NOC4L: variants seen among roughly 807,000 people sequenced by gnomAD.
NOC4L encodes nucleolar complex associated 4 homolog.
Under a neutral mutation model 62.8 loss-of-function variants are expected in NOC4L, and 40 were observed. The ratio of observed to expected loss-of-function variants is 0.64; its 90% CI spans 0.49 to 0.83. The LOEUF (loss-of-function observed/expected upper bound fraction) is 0.83. NOC4L is among the 40% of genes least tolerant of loss of function. NOC4L has a pLI of 0.00. For synonymous variants in NOC4L, 433 were observed against 299.8 expected (o/e 1.44, Z -4.59); for missense variants, 927 against 701.9 (o/e 1.32, Z -3.62).
chr12:132,144,630 C>T (rs757692953), intron 1 of NOC4L, 25 bp downstream of exon 1: 2 of 1,479,008 alleles, frequency 1.4e-6, no homozygotes, highest in Non-Finnish European at 8.9e-7. Context: ...GTCGCAGGGC[C>T]GGAGTCGCGG....
chr12:132,148,995 C>T (rs1461705964), intron 9 of NOC4L, 100 bp downstream of exon 9: 15 of 164,874 alleles, frequency 9.1e-5, no homozygotes, highest in African/African-American at 2.8e-4. Flanking sequence ...TGAGTGCCGC[C>T]GCCTCACTCC....
Position 132,144,610 on chromosome 12 carries a change from G to C in NOC4L, c.117+5G>C, listed in dbSNP as rs1379671246. 6.7e-7 allele frequency: 1 copy of C among 1,503,640 alleles called. No homozygotes were observed. Among genetic ancestry groups the C allele is most frequent in the East Asian group, 2.5e-5 (1 of 39,748 alleles). The allele number at this position is 1,503,640 out of a possible 1,614,324, so 93.1% of individuals were successfully genotyped here. A position where few individuals can be genotyped will look rare whatever the true frequency, so the allele number is the denominator to read the frequency against. ...GACATCCTGGCCGTGCTGCAGGTGG[G>C]CCTGGCGGCGTCGCAGGGCCGGAGT... On this transcript the variant is annotated splice_donor_5th_base_variant and intron_variant, in intron 1 of 14. Coordinates refer to ENST00000330579, the MANE Select transcript of NOC4L (RefSeq NM_024078.3).
At chr12:132,148,700 G>T in intron 8 of NOC4L, 41 bp downstream of exon 8, 1 of 1,530,092 alleles carries the variant, frequency 6.5e-7, no homozygotes, top group Non-Finnish European at 8.8e-7. Context: ...CGGCATCCGG[G>T]TCTCCCCCAG....
At position 132,150,975 on chromosome 12, in the gene NOC4L, CT is replaced by C. The variant is rs777259081; in HGVS notation, c.902-5del. On this transcript the variant is annotated splice_region_variant and splice_polypyrimidine_tract_variant and intron_variant, in intron 9 of 14. Coordinates refer to ENST00000330579, the MANE Select transcript of NOC4L (RefSeq NM_024078.3). ...GCAGCTCCAGCCTGTGTCTGTCTGT[CT>C]GCAGGGGGGGCCCTCAGCCTCTTGG... 14 of 1,603,686 alleles carry C rather than the reference CT, an allele frequency of 8.7e-6. No homozygotes were observed. The Admixed American group carries it at 1.3e-4, about 15-fold the overall frequency.
chr12:132,151,074 CA>C lies in NOC4L; in HGVS notation c.962+34del, dbSNP rs750469500. 1.9e-6 allele frequency: 3 copies of C among 1,581,012 alleles called. No individual in the cohort carries two copies. The East Asian group carries it at 6.7e-5, about 35-fold the overall frequency. ...TCACCAGGGGTGCAGGTCTTCTTCC[CA>C]GTCTGCCCAGCCCTGCTCCTCTGTC... On this transcript the variant is annotated intron_variant, in intron 10 of 14. Transcript: ENST00000330579.
intron 3 of NOC4L, among the ~76,000 whole-genome samples, chr12:132,146,702 G>A (rs1897740781): frequency 1.3e-5 from 2 of 152,190 alleles, no homozygotes; most frequent in Non-Finnish European, 2.9e-5. Flanking sequence ...CACCTTCTCA[G>A]AAAGAAATAA....
chr12:132,152,254 G>A (rs1873031882), intron 14 of NOC4L, 28 bp from the exon 15 acceptor site: 1 of 1,590,064 alleles, frequency 6.3e-7, no homozygotes, highest in African/African-American at 1.3e-5. Flanking sequence ...AGCCAAGCCT[G>A]AGAGCCGCCG....
chr12:132,151,085 G>T, intron 10 of NOC4L, 44 bp downstream of exon 10: 1 of 1,560,490 alleles, frequency 6.4e-7, no homozygotes, highest in Non-Finnish European at 8.8e-7. Flanking sequence ...AGTCTGCCCA[G>T]CCCTGCTCCT....
At chr12:132,148,156 G>A in intron 7 of NOC4L, 50 bp downstream of exon 7, 1 of 1,599,780 alleles carries the variant, frequency 6.3e-7, no homozygotes, top group South Asian at 1.1e-5. Flanking sequence ...GGGGGTGTGT[G>A]TGGGGTGCAT....
chr12:132,151,520 G>T lies in NOC4L; in HGVS notation c.1110G>T (p.Lys370Asn). Reference protein sequence around the residue: ...LPAYLVAAFAKRLARLALTAP... With the variant: ...LPAYLVAAFANRLARLALTAP... The stretch of plus-strand genomic sequence containing the variant: ...CCTACCTGGTGGCCGCCTTCGCCAA[G>T]CGGCTGGCCCGCCTGGCCCTGACGG... Residue 370 changes from lysine (K) to asparagine (N), a missense_variant, in exon 12 of 15, where the codon AAG becomes AAT. Lys to Asn is a moderately conservative substitution (Grantham distance 94, BLOSUM62 0). Transcript: ENST00000330579. 3 of 1,606,864 alleles carry T rather than the reference G, an allele frequency of 1.9e-6. No homozygotes were observed. The highest frequency in any genetic ancestry group is 2.5e-6 in the Non-Finnish European group (3 of 1,179,138).
intron 11 of NOC4L, 38 bp downstream of exon 11, chr12:132,151,406 C>T (rs547513742): frequency 9.4e-6 from 15 of 1,602,948 alleles, no homozygotes; most frequent in Admixed American, 3.3e-5. Context: ...CTGCTCTGTG[C>T]GGCTGCAGCC....
At position 132,151,053 on chromosome 12, in the gene NOC4L, CA is replaced by C. The variant is rs1565961404; in HGVS notation, c.962+13del. On this transcript the variant is annotated intron_variant, in intron 10 of 14. Transcript: ENST00000330579. ...CACAAACACAACCTGTGAGTGTCAC[CA>C]GGGGTGCAGGTCTTCTTCCCAGTCT... 1.9e-6 allele frequency: 3 copies of C among 1,606,420 alleles called. No homozygotes were observed. Among genetic ancestry groups the C allele is most frequent in the African/African-American group, 2.7e-5 (2 of 74,956 alleles).
chr12:132,145,439 C>T, intron 2 of NOC4L, 120 bp from the exon 3 acceptor site: 2 of 647,290 alleles, frequency 3.1e-6, no homozygotes, highest in Admixed American at 2.9e-5. Flanking sequence ...CGACCTGTTT[C>T]CACCTGCGGA....
chr12:132,147,212 C>T (rs966823096), intron 3 of NOC4L, 69 bp from the exon 4 acceptor site: 2 of 1,220,076 alleles, frequency 1.6e-6, no homozygotes, highest in Non-Finnish European at 2.2e-6. Context: ...GGCTCCCTGA[C>T]TGGGCTGAGC....
chr12:132,150,959 G>A (rs1435640518), intron 9 of NOC4L, 22 bp from the exon 10 acceptor site: 2 of 1,590,214 alleles, frequency 1.3e-6, no homozygotes, highest in East Asian at 2.2e-5. Context: ...TGCAGCTCCA[G>A]CCTGTGTCTG....
rs376896701 is a variant in NOC4L, at chr12:132,147,169, G to A, written c.346-112G>A. On this transcript the variant is annotated intron_variant, in intron 3 of 14. Coordinates refer to ENST00000330579, the MANE Select transcript of NOC4L (RefSeq NM_024078.3). ...GTGTGGAGCAAGAGAAGGCCCGGCC[G>A]CCCTTTTCTCAGCTCTGGGCCTAGA... The A allele has an allele frequency of 4.2e-5, 31 of 743,354 alleles. No individual in the cohort carries two copies. In the Middle Eastern group the frequency reaches 1.2e-3, roughly 29 times the overall value. The allele number at this position is 743,354 out of a possible 1,614,324, so 46.0% of individuals were successfully genotyped here.
rs954350621 is a variant in NOC4L at position 132,151,523 on chromosome 12, G to A, written c.1113G>A (p.Arg371=). The A allele has an allele frequency of 5.6e-6, 9 of 1,606,864 alleles. No homozygotes were observed. The African/African-American group carries it at 8.0e-5, about 14-fold the overall frequency. The change falls in exon 12 of 15, where the codon CGG becomes CGA. Residue 371 remains arginine (R), a synonymous_variant. Coordinates refer to ENST00000330579, the MANE Select transcript of NOC4L (RefSeq NM_024078.3). ...ACCTGGTGGCCGCCTTCGCCAAGCG[G>A]CTGGCCCGCCTGGCCCTGACGGCTC... ...PAYLVAAFAK[R]LARLALTAPP... is the part of the protein sequence containing the mutation.
chr12:132,148,173 C>A, intron 7 of NOC4L, 67 bp downstream of exon 7: 3 of 1,533,746 alleles, frequency 2.0e-6, no homozygotes, highest in Non-Finnish European at 2.7e-6. Flanking sequence ...GCATGTGAGA[C>A]CCCATGGAGG....
intron 9 of NOC4L, 101 bp from the exon 10 acceptor site, chr12:132,150,880 A>G (rs973780085): frequency 4.8e-6 from 4 of 830,180 alleles, no homozygotes; most frequent in Non-Finnish European, 7.8e-6. Context: ...AGGGGACAGC[A>G]GGGGCAGAGG....
Sources: gnomAD v4.1 joint callset for allele counts (sites outside exome capture counted in the v4.1 genomes callset) on GRCh38, gnomAD v4.1.1 for gene constraint, MANE v1.5 for transcripts, NCBI Gene and HGNC (gene_info 2026-07-23, HGNC 2026-07-21) for gene names.